NREP: variants seen among roughly 807,000 people sequenced by gnomAD.
The protein encoded by NREP is neuronal regeneration-related protein.
NREP carries 5 observed loss-of-function variants against 8.6 expected under a neutral mutation model. The ratio of observed to expected loss-of-function variants is 0.58; its 90% CI spans 0.30 to 1.22. The LOEUF (loss-of-function observed/expected upper bound fraction) is 1.22. NREP is among the 50% of genes most tolerant of loss of function. NREP has a pLI of 0.07. For synonymous variants in NREP, 27 were observed against 28.0 expected, an observed-to-expected ratio of 0.96 and a Z score of 0.11; for missense variants, 86 against 82.5, an observed-to-expected ratio of 1.04 and a Z score of -0.17.
At chr5:111,859,422 G>A (rs1753496163) in intron 2 of NREP, among the ~76,000 whole-genome samples, 1 of 152,128 alleles carries the variant, frequency 6.6e-6, no homozygotes, top group Non-Finnish European at 1.5e-5. Context: ...ATTTTGCCAA[G>A]GAAAAAAGTC....
intron 2 of NREP, among the ~76,000 whole-genome samples, chr5:111,938,415 A>G (rs575384334): frequency 6.6e-6 from 1 of 152,252 alleles, no homozygotes; most frequent in African/African-American, 2.4e-5. Context: ...TTTCATGATA[A>G]GAGTATGCTC....
chr5:111,862,742 A>G (rs1753578346), intron 2 of NREP, among the ~76,000 whole-genome samples: 1 of 152,026 alleles, frequency 6.6e-6, no homozygotes, highest in Non-Finnish European at 1.5e-5. Flanking sequence ...TATCGAGTTT[A>G]CAATCTACTA....
At chr5:111,884,975 G>A (rs983993942) in intron 2 of NREP, among the ~76,000 whole-genome samples, 1 of 152,124 alleles carries the variant, frequency 6.6e-6, no homozygotes. Context: ...TTCTAGCCAG[G>A]GCAATTAGGC....
At chr5:111,877,120 G>C (rs1337374539) in intron 2 of NREP, among the ~76,000 whole-genome samples, 1 of 152,112 alleles carries the variant, frequency 6.6e-6, no homozygotes, top group Non-Finnish European at 1.5e-5. Flanking sequence ...AACCTAACAA[G>C]TTACCTAAGC....
intron 2 of NREP, among the ~76,000 whole-genome samples, chr5:111,829,289 A>G (rs369628425): frequency 6.6e-6 from 1 of 152,142 alleles, no homozygotes; most frequent in Non-Finnish European, 1.5e-5. Context: ...GTACTGACAT[A>G]ATCAGATTTG....
At chr5:111,831,718 C>T (rs1752772272) in intron 2 of NREP, among the ~76,000 whole-genome samples, 1 of 152,160 alleles carries the variant, frequency 6.6e-6, no homozygotes, top group African/African-American at 2.4e-5. Flanking sequence ...GGGTATTATC[C>T]AGATCTGTTT....
At chr5:111,916,440 T>C (rs1381833345) in intron 2 of NREP, among the ~76,000 whole-genome samples, 1 of 152,130 alleles carries the variant, frequency 6.6e-6, no homozygotes, top group African/African-American at 2.4e-5. Context: ...AAAGTCTATG[T>C]GGCAGCCACA....
intron 2 of NREP, among the ~76,000 whole-genome samples, chr5:111,798,771 GTGTGTA>G (rs1311631795): frequency 8.6e-3 from 143 of 16,654 alleles, no homozygotes; most frequent in African/African-American, 0.032. Flanking sequence ...GTGTGTGTGT[GTGTGTA>G]TGTGTGTGTG....
chr5:111,898,007 T>G (rs1356026029), intron 2 of NREP, among the ~76,000 whole-genome samples: 1 of 152,178 alleles, frequency 6.6e-6, no homozygotes, highest in Non-Finnish European at 1.5e-5. Context: ...CAACTTCAAC[T>G]ACATCTTGTA....
upstream of NREP, chr5:111,758,018 G>A (rs1488072734): frequency 9.1e-6 from 9 of 985,444 alleles, no homozygotes; most frequent in East Asian, 4.5e-4. Flanking sequence ...TGCCTGTCCT[G>A]AGCGAAGCAG....
rs116068295 is a variant in NREP, at chr5:111,954,723, T to G, written c.135+20551A>C. On this transcript the variant is annotated intron_variant, in intron 2 of 3. Coordinates refer to the NREP transcript ENST00000395634. ...ATATGTAAAATAGAGAGTGACAGGT[T>G]CCCTTCATGCTACAGTGAGGACAGT... is the stretch of plus-strand genomic sequence containing the variant. Among the ~76,000 whole-genome samples, 1,198 of 152,232 alleles carry G rather than the reference T, an allele frequency of 7.9e-3. 10 individuals carry two copies. Among genetic ancestry groups the G allele is most frequent in the Non-Finnish European group, 0.013 (860 of 67,974 alleles).
intron 2 of NREP, among the ~76,000 whole-genome samples, chr5:111,824,174 T>A (rs1449024325): frequency 1.3e-5 from 2 of 152,084 alleles, no homozygotes; most frequent in African/African-American, 4.8e-5. Context: ...ATCAAGGCCA[T>A]CCTGGCTAAC....
chr5:111,855,181 T>C (rs1753398997), intron 2 of NREP, among the ~76,000 whole-genome samples: 3 of 152,168 alleles, frequency 2.0e-5, no homozygotes, highest in Admixed American at 6.5e-5. Context: ...AAGGAATACA[T>C]TTTCAAAGGG....
chr5:111,836,797 A>G (rs1272192108), intron 2 of NREP, among the ~76,000 whole-genome samples: 1 of 152,030 alleles, frequency 6.6e-6, no homozygotes, highest in Non-Finnish European at 1.5e-5. Context: ...GAGTATGTAC[A>G]TTTTTTGTGT....
intron 2 of NREP, among the ~76,000 whole-genome samples, chr5:111,932,091 A>C (rs1437826295): frequency 6.6e-6 from 1 of 150,704 alleles, no homozygotes; most frequent in Non-Finnish European, 1.5e-5. Flanking sequence ...AAAATAAAGC[A>C]TATTAAAGAC....
upstream of NREP, among the ~76,000 whole-genome samples, chr5:111,759,367 T>G (rs918016910): frequency 6.6e-6 from 1 of 152,150 alleles, no homozygotes; most frequent in African/African-American, 2.4e-5. Flanking sequence ...ATGTAAAACT[T>G]CCCTAAGATG....
At chr5:111,945,197 G>A (rs1299731250) in intron 2 of NREP, among the ~76,000 whole-genome samples, 2 of 151,912 alleles carry the variant, frequency 1.3e-5, no homozygotes, top group Non-Finnish European at 2.9e-5. Context: ...AAAAAATTAG[G>A]GTATAAATGA....
At chr5:111,849,487 T>G (rs1753258576) in intron 2 of NREP, among the ~76,000 whole-genome samples, 1 of 152,130 alleles carries the variant, frequency 6.6e-6, no homozygotes, top group Non-Finnish European at 1.5e-5. Flanking sequence ...CAATGAAAGC[T>G]TTAAGCAGAG....
chr5:111,772,450 G>A (rs1751254127), intron 2 of NREP, among the ~76,000 whole-genome samples: 1 of 152,182 alleles, frequency 6.6e-6, no homozygotes, highest in East Asian at 1.9e-4. Context: ...TTTAAAAAAT[G>A]TGATTACATT....
Sources: allele counts gnomAD v4.1 joint callset (sites outside exome capture counted in the v4.1 genomes callset), GRCh38; gene constraint gnomAD v4.1.1; transcripts MANE v1.5; gene names NCBI Gene and HGNC (gene_info 2026-07-23, HGNC 2026-07-21).